PCSK5: variants seen among roughly 807,000 people sequenced by gnomAD.
PCSK5 encodes the protein prohormone convertase 5.
In PCSK5, 129 loss-of-function variants were observed where a neutral mutation model predicts 233.2. The observed-to-expected ratio is 0.55, with a 90% CI of 0.48 to 0.64. The LOEUF is 0.64. Among genes scored for constraint, PCSK5 ranks in the 30% least tolerant of loss-of-function variants. The pLI is 0.00. For synonymous variants in PCSK5, 825 were observed against 879.2 expected, an observed-to-expected ratio of 0.94 and a Z score of 1.09; for missense variants, 2,076 against 2,430.1, an observed-to-expected ratio of 0.85 and a Z score of 3.06.
In PCSK5 at chr9:76,296,690, T is replaced by C. The variant is rs746059025; in HGVS notation, c.3348T>C (p.Gly1116=). 6.2e-7 allele frequency: 1 copy of C among 1,612,320 alleles called. No individual in the cohort carries two copies. Among genetic ancestry groups the C allele is most frequent in the Non-Finnish European group, 8.5e-7 (1 of 1,179,400 alleles). ...GTGGCAGTTGTGTGAGGAAATGTGG[T>C]CCTGGATTCTATGGTGACCAAGAAA... ...LLGGSCVRKC[G]PGFYGDQEMG... The change falls in exon 27 of 38, where the codon GGT becomes GGC. Residue 1116 remains glycine, a synonymous_variant. Coordinates refer to ENST00000674117, the MANE Select transcript of PCSK5 (RefSeq NM_001372043.1).
At position 76,121,731 on chromosome 9, in the gene PCSK5, G is replaced by T. The variant is rs137899258; in HGVS notation, c.1209-12378G>T. On this transcript the variant is annotated intron_variant, in intron 9 of 37. Transcript: ENST00000674117. The stretch of plus-strand genomic sequence containing the variant: ...ACCCTTGGGATCAGAGTTCTCGCAT[G>T]TTTGAAGGAAACCATCTGGCCTCAA... Among the ~76,000 whole-genome samples, 144 of 151,034 alleles carry T rather than the reference G, an allele frequency of 9.5e-4. 1 individual carries two copies. The highest frequency in any genetic ancestry group is 3.3e-3 in the African/African-American group (136 of 41,304).
intron 37 of PCSK5, among the ~76,000 whole-genome samples, chr9:76,357,266 G>A (rs541970028): frequency 6.6e-6 from 1 of 152,264 alleles, no homozygotes; most frequent in East Asian, 1.9e-4. Flanking sequence ...GGTGGCTCAT[G>A]CCCCAGAACT....
chr9:76,110,104 T>C (rs1183966796), intron 9 of PCSK5, among the ~76,000 whole-genome samples: 1 of 152,186 alleles, frequency 6.6e-6, no homozygotes, highest in Admixed American at 6.5e-5. Context: ...AGATTCAGCC[T>C]TTACTAACAC....
rs1315039901 is a variant in PCSK5 at position 76,142,105 on chromosome 9, T to A, written c.1312+7893T>A. ...CATGAGTTTACCTATATAACAAACC[T>A]GCATATGTACTCCTAAACCTAAAAT... is the stretch of plus-strand genomic sequence containing the variant. On this transcript the variant is annotated intron_variant, in intron 10 of 37. Coordinates refer to ENST00000674117, the MANE Select transcript of PCSK5 (RefSeq NM_001372043.1). Among the ~76,000 whole-genome samples, 3 of 151,812 alleles carry A rather than the reference T, an allele frequency of 2.0e-5. No individual in the cohort carries two copies. In the East Asian group the frequency reaches 5.8e-4, roughly 29 times the overall value.
chr9:76,027,461 G>A (rs1443545030), intron 5 of PCSK5, among the ~76,000 whole-genome samples: 4 of 151,794 alleles, frequency 2.6e-5, no homozygotes, highest in Admixed American at 6.6e-5. Flanking sequence ...CTCCTCCTTC[G>A]CTCCTCTCTC....
intron 3 of PCSK5, among the ~76,000 whole-genome samples, chr9:76,011,486 T>C (rs1428335862): frequency 6.6e-6 from 1 of 152,242 alleles, no homozygotes; most frequent in Non-Finnish European, 1.5e-5. Flanking sequence ...GGAATGATAT[T>C]AAAGTGGTCT....
At chr9:76,214,294 TCACACACACACACGTGCACA>T (rs1564112880) in intron 20 of PCSK5, among the ~76,000 whole-genome samples, 1 of 150,658 alleles carries the variant, frequency 6.6e-6, no homozygotes, top group East Asian at 2.0e-4. Context: ...CCACATTCAC[TCACACACACACACGTGCACA>T]CACACACACA....
chr9:76,359,135 T>C lies in PCSK5; in HGVS notation c.*213T>C, dbSNP rs1489602739. 3.7e-6 allele frequency: 2 copies of C among 539,756 alleles called. No individual in the cohort carries two copies. The highest frequency in any genetic ancestry group is 2.8e-5 in the South Asian group (1 of 35,958). 33.4% of individuals were successfully genotyped at this position (539,756 alleles called of 1,614,324 possible). A position where few individuals can be genotyped will look rare whatever the true frequency, so the allele number is the denominator to read the frequency against. On this transcript the variant is annotated 3_prime_UTR_variant, in exon 38 of 38. Transcript: ENST00000674117. ...ATTAACAGTTCCTGTTCAACCGTAA[T>C]TGAAGAGCAAGGATAAAATTCAGAG...
intron 1 of PCSK5, among the ~76,000 whole-genome samples, chr9:75,918,181 A>C (rs1395452489): frequency 3.9e-5 from 6 of 152,252 alleles, no homozygotes; most frequent in Non-Finnish European, 4.4e-5. Context: ...GCGTTATAAA[A>C]GAATACAAAT....
At chr9:76,337,609 G>C (rs1829714018) in intron 34 of PCSK5, among the ~76,000 whole-genome samples, 1 of 152,114 alleles carries the variant, frequency 6.6e-6, no homozygotes, top group South Asian at 2.1e-4. Context: ...AAGTAGCTGG[G>C]ATTACAGGCA....
intron 30 of PCSK5, among the ~76,000 whole-genome samples, chr9:76,318,324 G>C (rs1339247271): frequency 6.6e-6 from 1 of 152,086 alleles, no homozygotes; most frequent in African/African-American, 2.4e-5. Context: ...CGGAGGGTAG[G>C]GGGCAAGGGG....
chr9:76,335,202 T>C (rs1235711347), intron 34 of PCSK5, among the ~76,000 whole-genome samples: 1 of 152,166 alleles, frequency 6.6e-6, no homozygotes, highest in East Asian at 1.9e-4. Flanking sequence ...CAGTAAACAC[T>C]CTCAAACACA....
At chr9:76,119,432 C>T (rs1472604812) in intron 9 of PCSK5, among the ~76,000 whole-genome samples, 1 of 151,954 alleles carries the variant, frequency 6.6e-6, no homozygotes, top group East Asian at 1.9e-4. Flanking sequence ...TTTTGTACCT[C>T]CTAGAGAATT....
intron 3 of PCSK5, among the ~76,000 whole-genome samples, chr9:75,989,473 G>A (rs1044814881): frequency 5.4e-5 from 8 of 147,924 alleles, no homozygotes; most frequent in African/African-American, 1.5e-4. Flanking sequence ...CAGCCTGGGT[G>A]ACAGAATGAG....
chr9:76,192,794 G>A (rs1824469545), intron 20 of PCSK5, among the ~76,000 whole-genome samples: 1 of 152,126 alleles, frequency 6.6e-6, no homozygotes, highest in South Asian at 2.1e-4. Context: ...AGACAATATT[G>A]TGTCACAGTT....
Position 76,296,830 on chromosome 9 carries a change from C to T in PCSK5, c.3488C>T (p.Ala1163Val), listed in dbSNP as rs752298181. 2 of 1,612,188 alleles carry T rather than the reference C, an allele frequency of 1.2e-6. No individual in the cohort carries two copies. The highest frequency in any genetic ancestry group is 1.7e-6 in the Non-Finnish European group (2 of 1,179,608). The change falls in exon 27 of 38, where the codon GCC becomes GTC. Residue 1163 changes from alanine to valine, a missense_variant. Physicochemically the swap from Ala to Val is moderately conservative, Grantham distance 64. Around this residue, in one of 6 missense-constraint regions of PCSK5, gnomAD observed 1,510 missense variants for 1,538.1 expected, o/e 0.98. Coordinates refer to ENST00000674117, the MANE Select transcript of PCSK5 (RefSeq NM_001372043.1). Reference protein sequence around the residue: ...LQLLRGMCVHATKTQEEGKFW... With the variant: ...LQLLRGMCVHVTKTQEEGKFW... ...CTGCTGCGTGGGATGTGCGTGCATG[C>T]CACCAAGACCCAGGAGGAGGGCAAA...
At chr9:76,022,197 CTTGT>C (rs1396248796) in intron 3 of PCSK5, among the ~76,000 whole-genome samples, 1 of 152,186 alleles carries the variant, frequency 6.6e-6, no homozygotes, top group Non-Finnish European at 1.5e-5. Context: ...TCTGAATGGT[CTTGT>C]TTATTTGGTG....
In PCSK5 at chr9:76,174,977, T is replaced by C. The variant is rs772552535; in HGVS notation, c.1757-9T>C. ...TGGTCATGCTGTGATTTCATTATTA[T>C]TTCTCAAGGTAAATTGAAAGAATGG... On this transcript the variant is annotated splice_polypyrimidine_tract_variant and intron_variant, in intron 13 of 37. Coordinates refer to ENST00000674117, the MANE Select transcript of PCSK5 (RefSeq NM_001372043.1). 7 of 1,590,828 alleles carry C rather than the reference T, an allele frequency of 4.4e-6. No individual in the cohort carries two copies. Among genetic ancestry groups the C allele is most frequent in the Non-Finnish European group, 6.0e-6 (7 of 1,168,396 alleles).
intron 24 of PCSK5, among the ~76,000 whole-genome samples, chr9:76,284,518 C>CTTTTTTTTTTTTTTTTTTTTTTT (rs35359559): frequency 1.6e-5 from 2 of 127,290 alleles, no homozygotes; most frequent in Non-Finnish European, 3.2e-5. Context: ...CCATTAAACC[C>CTTTTTTTTTTTTTTTTTTTTTTT]TTTTTTTTTT....
Sources: gnomAD v4.1 joint callset for allele counts (sites outside exome capture counted in the v4.1 genomes callset) on GRCh38, gnomAD v4.1.1 for gene constraint, gnomAD v4.1.1 regional missense constraint, MANE v1.5 for transcripts, NCBI Gene and HGNC (gene_info 2026-07-23, HGNC 2026-07-21) for gene names.